EPB41L2: variants seen among roughly 807,000 people sequenced by gnomAD.
The protein encoded by EPB41L2 is erythrocyte membrane protein band 4.1 like 2.
Under a neutral mutation model 113.0 loss-of-function variants are expected in EPB41L2, and 43 were observed. The ratio of observed to expected loss-of-function variants is 0.38; its 90% confidence interval spans 0.30 to 0.49. EPB41L2 has a LOEUF of 0.49. EPB41L2 is among the 20% of genes least tolerant of loss of function. The pLI is 0.95. For missense variants in EPB41L2, 1,147 were observed against 1,223.4 expected, an observed-to-expected ratio of 0.94 and a Z score of 0.93; for synonymous variants, 442 against 436.7, an observed-to-expected ratio of 1.01 and a Z score of -0.15.
chr6:130,959,844 A>G (rs1258188231), intron 1 of EPB41L2, among the ~76,000 whole-genome samples: 2 of 152,258 alleles, frequency 1.3e-5, no homozygotes, highest in Admixed American at 1.3e-4. Context: ...TGTCTAAGCT[A>G]ACCAAGATAA....
At chr6:130,944,122 G>A (rs1811864761) in intron 3 of EPB41L2, among the ~76,000 whole-genome samples, 1 of 149,186 alleles carries the variant, frequency 6.7e-6, no homozygotes, top group Non-Finnish European at 1.5e-5. Context: ...GACAGCAGTC[G>A]CAATGATGAG....
chr6:131,008,411 C>T (rs1427024572), intron 1 of EPB41L2, among the ~76,000 whole-genome samples: 23 of 152,244 alleles, frequency 1.5e-4, no homozygotes, highest in Admixed American at 1.4e-3. Flanking sequence ...GATGTCTAGG[C>T]AGAAGTTTGC....
chr6:130,976,024 T>G (rs1364822247), intron 1 of EPB41L2, among the ~76,000 whole-genome samples: 1 of 152,126 alleles, frequency 6.6e-6, no homozygotes, highest in Non-Finnish European at 1.5e-5. Flanking sequence ...CAAGACTCCG[T>G]CTCAAAAACA....
intron 1 of EPB41L2, among the ~76,000 whole-genome samples, chr6:130,972,606 T>G (rs777601291): frequency 6.6e-6 from 1 of 151,900 alleles, no homozygotes; most frequent in South Asian, 2.1e-4. Context: ...AGATAGACTA[T>G]AAGTGCACTT....
intron 18 of EPB41L2, among the ~76,000 whole-genome samples, chr6:130,861,644 T>C (rs9388861): frequency 6.6e-6 from 1 of 151,366 alleles, no homozygotes; most frequent in East Asian, 2.0e-4. Flanking sequence ...TGCCGAGGAG[T>C]GTGGATAACC....
chr6:131,055,678 G>T (rs1225214122), intron 1 of EPB41L2, among the ~76,000 whole-genome samples: 2 of 152,166 alleles, frequency 1.3e-5, no homozygotes, highest in African/African-American at 2.4e-5. Context: ...TACACAAGCT[G>T]GGTGCCCTTG....
At chr6:130,870,452 T>C (rs1174449374) in intron 14 of EPB41L2, 2 of 1,462,140 alleles carry the variant, frequency 1.4e-6, no homozygotes, top group East Asian at 4.9e-5. Flanking sequence ...GAAACAAACA[T>C]CTGACACTGC....
intron 19 of EPB41L2, among the ~76,000 whole-genome samples, chr6:130,856,211 C>A (rs1562303342): frequency 6.6e-6 from 1 of 152,096 alleles, no homozygotes; most frequent in Non-Finnish European, 1.5e-5. Context: ...ATGGAAAAAA[C>A]ATAAGTCATA....
chr6:131,005,442 C>T (rs111497659), intron 1 of EPB41L2, among the ~76,000 whole-genome samples: 2 of 152,122 alleles, frequency 1.3e-5, no homozygotes, highest in African/African-American at 4.8e-5. Flanking sequence ...TGTGTGGAGC[C>T]AGAAGTTCAA....
chr6:130,924,646 C>G (rs1804035462), intron 4 of EPB41L2, among the ~76,000 whole-genome samples: 1 of 152,136 alleles, frequency 6.6e-6, no homozygotes. Flanking sequence ...TCCCAAAGTG[C>G]TGGGATTACA....
chr6:131,016,903 C>T (rs1479698060), intron 1 of EPB41L2, among the ~76,000 whole-genome samples: 1 of 151,542 alleles, frequency 6.6e-6, no homozygotes, highest in Non-Finnish European at 1.5e-5. Context: ...AAGAGACTCA[C>T]CACTGGGTCT....
At chr6:131,053,922 G>A (rs1180928636) in intron 1 of EPB41L2, among the ~76,000 whole-genome samples, 1 of 152,216 alleles carries the variant, frequency 6.6e-6, no homozygotes, top group Non-Finnish European at 1.5e-5. Context: ...CTTACAACGG[G>A]AGGCACAGGA....
intron 1 of EPB41L2, among the ~76,000 whole-genome samples, chr6:131,028,595 A>G (rs1043720207): frequency 6.6e-6 from 1 of 152,228 alleles, no homozygotes; most frequent in Non-Finnish European, 1.5e-5. Context: ...AGTAGCCCTC[A>G]AACAACACAA....
At chr6:131,048,736 C>CT (rs1795970770) in intron 1 of EPB41L2, among the ~76,000 whole-genome samples, 1 of 152,168 alleles carries the variant, frequency 6.6e-6, no homozygotes. Flanking sequence ...CTATTCTCTA[C>CT]TTCTGAATAT....
At chr6:130,895,353 A>G (rs374296951) in intron 8 of EPB41L2, among the ~76,000 whole-genome samples, 20 of 152,216 alleles carry the variant, frequency 1.3e-4, no homozygotes, top group African/African-American at 4.8e-4. Context: ...CAACATGACC[A>G]TAAGACACAG....
chr6:130,990,971 CG>C (rs1453313223), intron 1 of EPB41L2, among the ~76,000 whole-genome samples: 2 of 151,422 alleles, frequency 1.3e-5, no homozygotes, highest in Admixed American at 1.3e-4. Flanking sequence ...GGACTACAGG[CG>C]CATGCCACCA....
At chr6:130,857,518 C>A (rs551446563) in intron 19 of EPB41L2, among the ~76,000 whole-genome samples, 286 of 127,064 alleles carry the variant, frequency 2.3e-3, no homozygotes, top group Non-Finnish European at 3.6e-3. Context: ...TCAAAGAAAT[C>A]TTTTCCTTTC....
Position 130,858,207 on chromosome 6 carries a change from G to A in EPB41L2, c.2947C>T (p.His983Tyr). ...AQAIREAREQ[H>Y]PDMSVTRVVV... ...ACTCTTGTGACCGACATGTCAGGGTGCTGCTCTCTGGCTTCCCTGATCGCC... is the reference window on the plus strand; with the variant it reads ...ACTCTTGTGACCGACATGTCAGGGTACTGCTCTCTGGCTTCCCTGATCGCC... Residue 983 changes from histidine (H) to tyrosine (Y), a missense_variant, in exon 19 of 20, where the codon CAC (histidine) becomes TAC (tyrosine). Coordinates refer to ENST00000337057, the MANE Select transcript of EPB41L2 (RefSeq NM_001431.4). 1 of 1,613,810 alleles carries A rather than the reference G, an allele frequency of 6.2e-7. No homozygotes were observed. The highest frequency in any genetic ancestry group is 1.1e-5 in the South Asian group (1 of 91,052).
At chr6:130,900,900 G>T in intron 7 of EPB41L2, 62 bp downstream of exon 7, 1 of 1,553,002 alleles carries the variant, frequency 6.4e-7, no homozygotes, top group Non-Finnish European at 8.9e-7. Context: ...TCTAGTAAGT[G>T]CTACAAGAGA....
Sources: allele counts gnomAD v4.1 joint callset (sites outside exome capture counted in the v4.1 genomes callset), GRCh38; gene constraint gnomAD v4.1.1; transcripts MANE v1.5; gene names NCBI Gene and HGNC (gene_info 2026-07-23, HGNC 2026-07-21).